The following WNT2B variants were observed in gnomAD, a reference collection of about 807,000 sequenced individuals.
WNT2B encodes the protein protein Wnt-2b.
WNT2B carries 19 observed loss-of-function variants against 40.5 expected under a neutral mutation model. That is an observed-to-expected ratio of 0.47 (90% confidence interval 0.33 to 0.69). WNT2B has a LOEUF of 0.69. Among genes scored for constraint, WNT2B ranks in the 30% least tolerant of loss-of-function variants. WNT2B has a pLI of 0.02. For synonymous variants in WNT2B, 220 were observed against 211.9 expected, an observed-to-expected ratio of 1.04 and a Z score of -0.33; for missense variants, 467 against 556.4, an observed-to-expected ratio of 0.84 and a Z score of 1.62.
At chr1:112,496,690 TC>T (rs1358286904) in intron 1 of WNT2B, among the ~76,000 whole-genome samples, 1 of 151,244 alleles carries the variant, frequency 6.6e-6, no homozygotes, top group Non-Finnish European at 1.5e-5. Flanking sequence ...AACCTCCTCC[TC>T]CCGGGTTCAA....
In WNT2B at chr1:112,517,188, C is replaced by A; in HGVS notation, c.749C>A (p.Thr250Asn). The A allele has an allele frequency of 1.2e-6, 2 of 1,614,200 alleles. No individual in the cohort carries two copies. The highest frequency in any genetic ancestry group is 1.7e-6 in the Non-Finnish European group (2 of 1,180,044). Residue 250 changes from threonine to asparagine, a missense_variant, in exon 4 of 5, where the codon ACC becomes AAC. Physicochemically the swap from Thr to Asn is moderately conservative, Grantham distance 65. Around this residue, in one of 2 missense-constraint regions of WNT2B, gnomAD observed 330 missense variants for 438.6 expected, o/e 0.75. Coordinates refer to ENST00000369684, the MANE Select transcript of WNT2B (RefSeq NM_024494.3). ...GTGAGTGGTTCCTGTACTCTGCGCA[C>A]CTGCTGGCGTGCACTCTCAGATTTC... ...HGVSGSCTLR[T>N]CWRALSDFRR...
rs1653072542 is a variant in WNT2B at position 112,524,221 on chromosome 1, T to A, written c.*3712T>A. ...CAGACCCACTCAGGACACGAGTCTC[T>A]ACATGGCTTAACAGAAGAGAGATAA... On this transcript the variant is annotated 3_prime_UTR_variant, in exon 5 of 5. Transcript: ENST00000369684. 1.3e-5 allele frequency: 2 copies of A among 152,606 alleles called. No individual in the cohort carries two copies. The allele number at this position is 152,606 out of a possible 1,614,324, so 9.5% of individuals were successfully genotyped here.
intron 1 of WNT2B, among the ~76,000 whole-genome samples, chr1:112,469,830 T>C (rs1650818593): frequency 6.6e-6 from 1 of 152,128 alleles, no homozygotes; most frequent in African/African-American, 2.4e-5. Context: ...GCCAGGCTGG[T>C]CTCAAACTCC....
intron 1 of WNT2B, among the ~76,000 whole-genome samples, chr1:112,502,021 C>T (rs533212968): frequency 8.6e-4 from 131 of 152,358 alleles, no homozygotes; most frequent in African/African-American, 2.9e-3. Flanking sequence ...GGCGAGTCGC[C>T]CACCCGCGAG....
chr1:112,516,440 G>A (rs957754992), intron 3 of WNT2B, 23 bp downstream of exon 3: 9 of 1,593,124 alleles, frequency 5.6e-6, no homozygotes, highest in Admixed American at 3.4e-5. Flanking sequence ...GTCTGTGTAA[G>A]TACACTCATA....
intron 1 of WNT2B, among the ~76,000 whole-genome samples, chr1:112,498,781 C>T (rs975183117): frequency 6.6e-6 from 1 of 152,164 alleles, no homozygotes; most frequent in Non-Finnish European, 1.5e-5. Context: ...AAGAGAGAAG[C>T]TTTCCCTATA....
upstream of WNT2B, among the ~76,000 whole-genome samples, chr1:112,506,804 T>C (rs1234224292): frequency 1.3e-5 from 2 of 152,234 alleles, no homozygotes; most frequent in Admixed American, 6.5e-5. Flanking sequence ...AGTTAGCCTG[T>C]TGGCCACAAA....
chr1:112,471,619 T>C (rs1650883167), intron 1 of WNT2B, among the ~76,000 whole-genome samples: 2 of 152,200 alleles, frequency 1.3e-5, no homozygotes, highest in Non-Finnish European at 2.9e-5. Context: ...GCCACGCCAA[T>C]AGGAATAGCT....
intron 1 of WNT2B, 48 bp from the exon 2 acceptor site, chr1:112,514,826 G>T (rs900949755): frequency 1.3e-6 from 2 of 1,585,510 alleles, no homozygotes; most frequent in African/African-American, 2.7e-5. Context: ...CCCTCCCAAT[G>T]CAGAAAAAGG....
At chr1:112,469,636 T>C (rs1650811885) in intron 1 of WNT2B, among the ~76,000 whole-genome samples, 1 of 152,072 alleles carries the variant, frequency 6.6e-6, no homozygotes, top group African/African-American at 2.4e-5. Flanking sequence ...CTTTTTTTTT[T>C]TGAGACGGAG....
In WNT2B at chr1:112,525,588, T is replaced by C. The variant is rs116273662; in HGVS notation, c.*5079T>C. The C allele has an allele frequency of 4.3e-3, 657 of 154,564 alleles. 8 individuals are homozygous for C. Among genetic ancestry groups the C allele is most frequent in the African/African-American group, 0.015 (625 of 41,610 alleles). The allele number at this position is 154,564 out of a possible 1,614,324, so 9.6% of individuals were successfully genotyped here. A position where few individuals can be genotyped will look rare whatever the true frequency, so the allele number is the denominator to read the frequency against. ...ATGTGCAAATGCAAGGCAAGCATTC[T>C]CCCACTGGCCCCCTAACGGTTAACT... On this transcript the variant is annotated 3_prime_UTR_variant, in exon 5 of 5. Transcript: ENST00000369684.
intron 1 of WNT2B, among the ~76,000 whole-genome samples, chr1:112,469,312 T>G (rs1650800001): frequency 6.6e-6 from 1 of 152,238 alleles, no homozygotes; most frequent in African/African-American, 2.4e-5. Flanking sequence ...ACATTGGCTA[T>G]TCTGGCTCTT....
chr1:112,508,318 C>G (rs1306007859), upstream of WNT2B, among the ~76,000 whole-genome samples: 1 of 150,212 alleles, frequency 6.7e-6, no homozygotes, highest in African/African-American at 2.5e-5. The surrounding 1 kb of genome is among the most constrained non-coding windows in gnomAD (Gnocchi z 4.2). Context: ...ATTCCCGGTC[C>G]GTAAAGAAAA....
Position 112,493,238 on chromosome 1 carries a change from C to T in WNT2B, c.-94-21636C>T, listed in dbSNP as rs543687202. Among the ~76,000 whole-genome samples, 122 of 152,292 alleles carry T rather than the reference C, an allele frequency of 8.0e-4. 2 individuals carry two copies. The South Asian group carries it at 0.023, about 29-fold the overall frequency. On this transcript the variant is annotated intron_variant, in intron 1 of 4. Transcript: ENST00000256640. ...TCCTGCTCCATCAATAGCACTACGA[C>T]GAAAGAATGCCTTTGATGAGTTTGT...
chr1:112,526,234 A>C lies in WNT2B; in HGVS notation c.*5725A>C. 2 of 1,363,334 alleles carry C rather than the reference A, an allele frequency of 1.5e-6. No homozygotes were observed. The highest frequency in any genetic ancestry group is 1.0e-6 in the Non-Finnish European group (1 of 1,003,916). The allele number at this position is 1,363,334 out of a possible 1,614,324, so 84.5% of individuals were successfully genotyped here. A position where few individuals can be genotyped will look rare whatever the true frequency, so the allele number is the denominator to read the frequency against. ...AGGCCCTCCTGAACCTTATCAACCA[A>C]TGGCTCTTTTGCCATTTCTGCCACT... On this transcript the variant is annotated 3_prime_UTR_variant, in exon 5 of 5. Coordinates refer to ENST00000369684, the MANE Select transcript of WNT2B (RefSeq NM_024494.3).
chr1:112,512,127 C>T (rs984052395), intron 1 of WNT2B, among the ~76,000 whole-genome samples: 2 of 151,156 alleles, frequency 1.3e-5, no homozygotes. Flanking sequence ...AACATACAAA[C>T]ATAAAACATC....
At chr1:112,517,019 A>AG in intron 3 of WNT2B, 102 bp from the exon 4 acceptor site, 1 of 1,483,708 alleles carries the variant, frequency 6.7e-7, no homozygotes, top group Non-Finnish European at 9.1e-7. Flanking sequence ...AGCCAGGGCC[A>AG]GGTCCAGCCT....
Position 112,515,024 on chromosome 1 carries a change from C to T in WNT2B, c.333C>T (p.Phe111=). ...GGATCCGAGAGTGTCAGCACCAATTCCGCCACCACCGCTGGAACTGTACCA... is the reference window on the plus strand; with the variant it reads ...GGATCCGAGAGTGTCAGCACCAATTTCGCCACCACCGCTGGAACTGTACCA... The part of the protein sequence containing the change: ...REWIRECQHQ[F]RHHRWNCTTL... The change falls in exon 2 of 5, where the codon TTC becomes TTT. Residue 111 remains phenylalanine, a synonymous_variant. Transcript: ENST00000369684. The surrounding 1 kb of genome is among the most constrained non-coding windows in gnomAD (Gnocchi z 4.4). The T allele has an allele frequency of 1.2e-6, 2 of 1,614,206 alleles. No homozygotes were observed. Among genetic ancestry groups the T allele is most frequent in the Non-Finnish European group, 1.7e-6 (2 of 1,180,042 alleles).
Position 112,509,526 on chromosome 1 carries a change from G to A in WNT2B, c.182+82G>A. The A allele has an allele frequency of 1.4e-6, 2 of 1,442,434 alleles. No homozygotes were observed. Among genetic ancestry groups the A allele is most frequent in the Non-Finnish European group, 9.1e-7 (1 of 1,099,136 alleles). The allele number at this position is 1,442,434 out of a possible 1,614,324, so 89.4% of individuals were successfully genotyped here. ...GCCTGGAGGGACTGGCTGCTCACGG[G>A]ACCAGGCTGTTGCTTCGACGGGTTG... On this transcript the variant is annotated intron_variant, in intron 1 of 4. Transcript: ENST00000369684. The surrounding 1 kb of genome is among the most constrained non-coding windows in gnomAD (Gnocchi z 4.2).
Sources: allele counts gnomAD v4.1 joint callset (sites outside exome capture counted in the v4.1 genomes callset), GRCh38; gene constraint gnomAD v4.1.1; regional missense constraint gnomAD v4.1.1; non-coding constraint Gnocchi (gnomAD v3.1); transcripts MANE v1.5; gene names NCBI Gene and HGNC (gene_info 2026-07-23, HGNC 2026-07-21).